MAPK14: variants seen among roughly 807,000 people sequenced by gnomAD.
The protein encoded by MAPK14 is mitogen-activated protein kinase 14.
MAPK14 carries 16 observed loss-of-function variants against 49.6 expected under a neutral mutation model. The ratio of observed to expected loss-of-function variants is 0.32; its 90% CI spans 0.22 to 0.49. The LOEUF is 0.49. Ranked by LOEUF, MAPK14 falls within the 20% of genes least tolerant of loss-of-function variation. MAPK14 has a pLI of 0.99. For missense variants in MAPK14, 200 were observed against 441.2 expected (o/e 0.45, Z 4.90); for synonymous variants, 142 against 158.0 (o/e 0.90, Z 0.76).
At chr6:36,034,954 C>T (rs1762684326) in intron 1 of MAPK14, among the ~76,000 whole-genome samples, 1 of 147,432 alleles carries the variant, frequency 6.8e-6, no homozygotes, top group Non-Finnish European at 1.5e-5. Context: ...ACTGGAGTGC[C>T]ATGGTGCGAT....
At chr6:36,070,304 G>T (rs1764218246) in intron 3 of MAPK14, among the ~76,000 whole-genome samples, 1 of 152,188 alleles carries the variant, frequency 6.6e-6, no homozygotes, top group Admixed American at 6.5e-5. Flanking sequence ...ATCATGGTCT[G>T]TGGGGTCAGT....
chr6:36,098,547 T>C (rs546936520), intron 9 of MAPK14, among the ~76,000 whole-genome samples: 1 of 152,036 alleles, frequency 6.6e-6, no homozygotes, highest in South Asian at 2.1e-4. Context: ...TAAAAATAAA[T>C]AAACTAATTA....
Position 36,074,069 on chromosome 6 carries a change from A to G in MAPK14, c.468A>G (p.Leu156=). 1.2e-6 allele frequency: 2 copies of G among 1,613,136 alleles called. No homozygotes were observed. The highest frequency in any genetic ancestry group is 1.3e-5 in the African/African-American group (1 of 75,018). ...CCTAGGACCTAAAACCTAGTAATCT[A>G]GCTGTGAATGAAGACTGTGAGCTGA... The part of the protein sequence containing the change: ...IIHRDLKPSN[L]AVNEDCELKI... Residue 156 remains leucine, a synonymous_variant, in exon 6 of 12, where the codon CTA becomes CTG. Transcript: ENST00000229794.
At chr6:36,050,566 CAG>C (rs1324477653) in intron 1 of MAPK14, among the ~76,000 whole-genome samples, 2 of 152,110 alleles carry the variant, frequency 1.3e-5, no homozygotes, top group African/African-American at 4.8e-5. Flanking sequence ...AGAATGATGA[CAG>C]AAGTTGAGAG....
chr6:36,032,858 C>T (rs1455772875), intron 1 of MAPK14, among the ~76,000 whole-genome samples: 1 of 152,132 alleles, frequency 6.6e-6, no homozygotes, highest in Non-Finnish European at 1.5e-5. Flanking sequence ...AAAAGGATAG[C>T]AAAACTTGCT....
intron 1 of MAPK14, among the ~76,000 whole-genome samples, chr6:36,051,372 G>T (rs548074551): frequency 6.6e-6 from 1 of 152,192 alleles, no homozygotes; most frequent in South Asian, 2.1e-4. Context: ...GCCTCCCAAG[G>T]TGCTGGATTA....
chr6:36,084,332 G>A (rs1295203228), intron 8 of MAPK14, among the ~76,000 whole-genome samples: 1 of 152,214 alleles, frequency 6.6e-6, no homozygotes. Flanking sequence ...GGGCATAGAT[G>A]TGGGCTGAGG....
intron 8 of MAPK14, among the ~76,000 whole-genome samples, chr6:36,087,943 G>A (rs972496387): frequency 3.3e-5 from 5 of 152,112 alleles, no homozygotes; most frequent in Non-Finnish European, 7.4e-5. Context: ...CAGACCAATG[G>A]AACAGAATAG....
intron 8 of MAPK14, among the ~76,000 whole-genome samples, chr6:36,087,769 C>A (rs1765045767): frequency 6.6e-6 from 1 of 152,082 alleles, no homozygotes; most frequent in Non-Finnish European, 1.5e-5. Context: ...ACATTCTTCA[C>A]AGAATTAGAA....
At chr6:36,120,634 G>A in the MAPK14 span, among the ~76,000 whole-genome samples, 1 of 152,152 alleles carries the variant, frequency 6.6e-6, no homozygotes, top group Non-Finnish European at 1.5e-5. Context: ...TAAATTGATG[G>A]CTATGGGATT....
intron 9 of MAPK14, among the ~76,000 whole-genome samples, chr6:36,098,578 G>A (rs1409407401): frequency 1.3e-5 from 2 of 152,080 alleles, no homozygotes; most frequent in East Asian, 1.9e-4. Context: ...ATAAAAAAGC[G>A]AAGACCTGAC....
At chr6:36,119,421 C>T in the MAPK14 span, among the ~76,000 whole-genome samples, 8 of 152,162 alleles carry the variant, frequency 5.3e-5, no homozygotes, top group Non-Finnish European at 1.2e-4. Context: ...CTAGAACTTT[C>T]TAGAAGCTTT....
At chr6:36,043,123 C>CAA (rs113941131) in intron 1 of MAPK14, among the ~76,000 whole-genome samples, 4 of 140,504 alleles carry the variant, frequency 2.8e-5, no homozygotes, top group South Asian at 2.3e-4. Flanking sequence ...GACCCCGTCT[C>CAA]AAAAAAAAAA....
chr6:36,044,405 CTG>C (rs1280387393), intron 1 of MAPK14, among the ~76,000 whole-genome samples: 1 of 151,898 alleles, frequency 6.6e-6, no homozygotes, highest in Non-Finnish European at 1.5e-5. Flanking sequence ...CTTTAATACT[CTG>C]TGGACATGGG....
At chr6:36,112,002 C>T (rs539516444), downstream of MAPK14, among the ~76,000 whole-genome samples, 5 of 151,870 alleles carry the variant, frequency 3.3e-5, no homozygotes, top group East Asian at 1.9e-4. Flanking sequence ...GTCAGGAGAT[C>T]GAGACCATCC....
At chr6:36,056,279 T>G (rs1296379889) in intron 2 of MAPK14, among the ~76,000 whole-genome samples, 1 of 152,192 alleles carries the variant, frequency 6.6e-6, no homozygotes, top group African/African-American at 2.4e-5. Context: ...CCACAGTGGG[T>G]CAGCCTTTTG....
intron 8 of MAPK14, among the ~76,000 whole-genome samples, chr6:36,083,354 C>T (rs972939653): frequency 2.0e-5 from 3 of 152,180 alleles, no homozygotes; most frequent in Admixed American, 2.0e-4. Context: ...TCAGGAGATC[C>T]CCCTCATGAG....
At chr6:36,066,728 TTGA>T (rs1764074329) in intron 3 of MAPK14, among the ~76,000 whole-genome samples, 2 of 151,282 alleles carry the variant, frequency 1.3e-5, no homozygotes, top group African/African-American at 4.9e-5. Context: ...AAATTGTGCA[TTGA>T]TGAATTCTGG....
chr6:36,061,152 A>G (rs772623644), intron 3 of MAPK14, among the ~76,000 whole-genome samples: 3 of 152,240 alleles, frequency 2.0e-5, no homozygotes, highest in Non-Finnish European at 4.4e-5. Flanking sequence ...GTGTTTGTGA[A>G]TTACTTTGGA....
Sources: allele counts gnomAD v4.1 joint callset (sites outside exome capture counted in the v4.1 genomes callset), GRCh38; gene constraint gnomAD v4.1.1; transcripts MANE v1.5; gene names NCBI Gene and HGNC (gene_info 2026-07-23, HGNC 2026-07-21).